CELF2: variants seen among roughly 807,000 people sequenced by gnomAD.
CELF2 encodes CUG triplet repeat RNA-binding protein 2.
CELF2 carries 8 observed loss-of-function variants against 62.6 expected under a neutral mutation model. That is an observed-to-expected ratio of 0.13 (90% CI 0.07 to 0.23). The LOEUF is 0.23. Among genes scored for constraint, CELF2 ranks in the 10% least tolerant of loss-of-function variants. CELF2 has a pLI of 1.00. For missense variants in CELF2, 333 were observed against 671.0 expected (o/e 0.50, Z 5.56); for synonymous variants, 258 against 250.0 (o/e 1.03, Z -0.30).
At chr10:10,819,994 CA>C (rs1328427413) in intron 1 of CELF2, among the ~76,000 whole-genome samples, 2 of 152,040 alleles carry the variant, frequency 1.3e-5, no homozygotes, top group Non-Finnish European at 2.9e-5. Context: ...GGGAGGGACC[CA>C]GGGGGAGGTA....
the CELF2 span, among the ~76,000 whole-genome samples, chr10:10,590,549 T>G: frequency 6.9e-3 from 1,047 of 152,322 alleles, 6 homozygotes; most frequent in South Asian, 0.034. Flanking sequence ...AATTCCCTTC[T>G]GATAACTTTC....
At chr10:11,225,428 G>C (rs1258076260) in intron 3 of CELF2, among the ~76,000 whole-genome samples, 1 of 152,222 alleles carries the variant, frequency 6.6e-6, no homozygotes, top group Non-Finnish European at 1.5e-5. Flanking sequence ...CTTCTTTGCT[G>C]TCCATGCATT....
chr10:11,180,365 T>C (rs907766119), intron 2 of CELF2, among the ~76,000 whole-genome samples: 1 of 152,166 alleles, frequency 6.6e-6, no homozygotes, highest in Non-Finnish European at 1.5e-5. Context: ...TTCTGTGACC[T>C]AGACTAAGGG....
the CELF2 span, among the ~76,000 whole-genome samples, chr10:10,691,456 A>G: frequency 0.23 from 32,664 of 144,582 alleles, 3,858 homozygotes; most frequent in South Asian, 0.4. Context: ...GAATAATGCC[A>G]CAATAAACAT....
intron 2 of CELF2, among the ~76,000 whole-genome samples, chr10:10,930,498 A>G (rs2065950734): frequency 6.6e-6 from 1 of 152,198 alleles, no homozygotes; most frequent in Admixed American, 6.5e-5. Context: ...TGAGAATTCC[A>G]TTATTTGTGC....
Position 11,088,117 on chromosome 10 carries a change from C to G in CELF2, c.74+69954C>G, listed in dbSNP as rs1047874547. 3.3e-5 allele frequency among the ~76,000 whole-genome samples: 5 copies of G among 152,166 alleles called. 1 individual carries two copies. Among genetic ancestry groups the G allele is most frequent in the Admixed American group, 3.3e-4 (5 of 15,272 alleles). ...AGTAGAGGAGGTGAGAGGCAAAAGC[C>G]AATGCCCACACATGAGCAAAGGTGA... On this transcript the variant is annotated intron_variant, in intron 1 of 12. Transcript: ENST00000633077.
At chr10:10,658,610 T>C in the CELF2 span, among the ~76,000 whole-genome samples, 1 of 152,200 alleles carries the variant, frequency 6.6e-6, no homozygotes, top group Non-Finnish European at 1.5e-5. Context: ...ATCAAAGTAT[T>C]TTAAGCCTGT....
intron 2 of CELF2, among the ~76,000 whole-genome samples, chr10:10,937,145 G>GAA (rs2046501704): frequency 4.6e-5 from 4 of 86,976 alleles, no homozygotes; most frequent in South Asian, 6.2e-4. Flanking sequence ...TTTTTTTTTC[G>GAA]TGACAGAGCC....
intron 1 of CELF2, among the ~76,000 whole-genome samples, chr10:11,033,983 A>G (rs1331877461): frequency 6.6e-6 from 1 of 152,228 alleles, no homozygotes; most frequent in Non-Finnish European, 1.5e-5. Flanking sequence ...CTGCCAGTGA[A>G]TAAGAGTTGC....
At chr10:10,702,493 A>G in the CELF2 span, among the ~76,000 whole-genome samples, 541 of 152,338 alleles carry the variant, frequency 3.6e-3, 7 homozygotes, top group African/African-American at 0.012. Flanking sequence ...CATCTCTACA[A>G]TAATTCCTCC....
the CELF2 span, among the ~76,000 whole-genome samples, chr10:10,543,925 C>G: frequency 6.6e-6 from 1 of 152,176 alleles, no homozygotes; most frequent in Non-Finnish European, 1.5e-5. Context: ...GAAATGCATG[C>G]GCCCCTAATG....
chr10:11,024,462 G>A lies in CELF2; in HGVS notation c.74+6299G>A, dbSNP rs370203875. Among the ~76,000 whole-genome samples, 39 of 152,198 alleles carry A rather than the reference G, an allele frequency of 2.6e-4. No individual in the cohort carries two copies. The South Asian group carries it at 7.3e-3, about 28-fold the overall frequency. Reference sequence around the variant, plus strand: ...CTAAAAATACAAAAATTAGTTCGCCGTGGTTTCGCATGCCTCTAGTCCCAC... The same window carrying A: ...CTAAAAATACAAAAATTAGTTCGCCATGGTTTCGCATGCCTCTAGTCCCAC... On this transcript the variant is annotated intron_variant, in intron 1 of 12. Transcript: ENST00000633077.
chr10:11,204,552 C>T (rs530031486), intron 2 of CELF2, among the ~76,000 whole-genome samples: 8 of 152,308 alleles, frequency 5.3e-5, no homozygotes, highest in East Asian at 1.9e-4. Flanking sequence ...TGTCGGGGGC[C>T]GGTGGGGGGA....
chr10:10,922,258 C>G (rs1258104247), intron 2 of CELF2, among the ~76,000 whole-genome samples: 2 of 152,148 alleles, frequency 1.3e-5, no homozygotes, highest in Admixed American at 6.6e-5. Flanking sequence ...TTGTGTCTCC[C>G]CGCTAAAATT....
chr10:10,638,927 G>T, the CELF2 span, among the ~76,000 whole-genome samples: 1 of 152,278 alleles, frequency 6.6e-6, no homozygotes, highest in South Asian at 2.1e-4. Context: ...CAATGAATCA[G>T]AGCTCCAGTA....
At chr10:10,628,051 C>T in the CELF2 span, among the ~76,000 whole-genome samples, 5 of 152,000 alleles carry the variant, frequency 3.3e-5, no homozygotes, top group African/African-American at 4.8e-5. Flanking sequence ...TACAGGTGCC[C>T]GCCACCACGC....
At chr10:10,520,887 GA>G in the CELF2 span, among the ~76,000 whole-genome samples, 9 of 151,888 alleles carry the variant, frequency 5.9e-5, no homozygotes, top group South Asian at 4.1e-4. Flanking sequence ...GCATATGGGG[GA>G]AAAAAAGGGG....
intron 1 of CELF2, among the ~76,000 whole-genome samples, chr10:11,059,410 T>TTAAGACC (rs2308305): frequency 0.32 from 47,855 of 151,626 alleles, 7,976 homozygotes; most frequent in African/African-American, 0.38. Flanking sequence ...GGGAGCAAAT[T>TTAAGACC]TAAGACCGTT....
the CELF2 span, among the ~76,000 whole-genome samples, chr10:10,667,644 T>A: frequency 6.6e-6 from 1 of 152,200 alleles, no homozygotes; most frequent in Non-Finnish European, 1.5e-5. Context: ...GGAAACGTTC[T>A]CCCGTGTGTG....
Sources: gnomAD v4.1 joint callset for allele counts (sites outside exome capture counted in the v4.1 genomes callset) on GRCh38, gnomAD v4.1.1 for gene constraint, MANE v1.5 for transcripts, NCBI Gene and HGNC (gene_info 2026-07-23, HGNC 2026-07-21) for gene names.